ITGA2: variants seen among roughly 807,000 people sequenced by gnomAD.
ITGA2 encodes integrin subunit alpha 2.
In ITGA2, 101 loss-of-function variants were observed where a neutral mutation model predicts 146.3. The ratio of observed to expected loss-of-function variants is 0.69; its 90% CI spans 0.59 to 0.81. The LOEUF (loss-of-function observed/expected upper bound fraction) is 0.81. Ranked by LOEUF, ITGA2 falls within the 40% of genes least tolerant of loss-of-function variation. ITGA2 has a pLI of 0.00. For synonymous variants in ITGA2, 477 were observed against 487.1 expected (o/e 0.98, Z 0.27); for missense variants, 1,281 against 1,402.7 (o/e 0.91, Z 1.39).
At chr5:53,016,911 AAGTG>A (rs1742424649) in intron 1 of ITGA2, among the ~76,000 whole-genome samples, 1 of 152,128 alleles carries the variant, frequency 6.6e-6, no homozygotes, top group African/African-American at 2.4e-5. Context: ...GAAATTCTTG[AAGTG>A]AGTATTTCAG....
chr5:53,068,611 T>C (rs1745250551), intron 16 of ITGA2, among the ~76,000 whole-genome samples: 1 of 151,908 alleles, frequency 6.6e-6, no homozygotes, highest in Non-Finnish European at 1.5e-5. Flanking sequence ...TTTCTTACTA[T>C]TGGGCATCTT....
At chr5:53,031,777 G>C (rs1253100936) in intron 2 of ITGA2, among the ~76,000 whole-genome samples, 1 of 152,218 alleles carries the variant, frequency 6.6e-6, no homozygotes, top group Non-Finnish European at 1.5e-5. Flanking sequence ...TGTAAGTAAG[G>C]CTGTGGTCTG....
At chr5:53,037,999 A>G (rs1303975050) in intron 2 of ITGA2, among the ~76,000 whole-genome samples, 2 of 152,138 alleles carry the variant, frequency 1.3e-5, no homozygotes, top group Non-Finnish European at 2.9e-5. Context: ...TTCTGATTAA[A>G]TTAGAAGAGC....
rs755698160 is a variant in ITGA2, at chr5:53,094,597, AT to A, written c.*4000del. 3.3e-5 allele frequency: 5 copies of A among 152,152 alleles called. No homozygotes were observed. The highest frequency in any genetic ancestry group is 7.3e-5 in the Non-Finnish European group (5 of 68,028). 9.4% of individuals were successfully genotyped at this position (152,152 alleles called of 1,614,324 possible). On this transcript the variant is annotated 3_prime_UTR_variant, in exon 30 of 30. Coordinates refer to ENST00000296585, the MANE Select transcript of ITGA2 (RefSeq NM_002203.4). ...GCATGTTTGTACAAAAAGTTGCAGAATTCATTTGATTTATGAGAAACAAAAA... is the reference window on the plus strand; with the variant it reads ...GCATGTTTGTACAAAAAGTTGCAGAATCATTTGATTTATGAGAAACAAAAA...
At chr5:53,044,143 T>C (rs3212452) in intron 3 of ITGA2, among the ~76,000 whole-genome samples, 104,283 of 151,056 alleles carry the variant, frequency 0.69, 36,373 homozygotes, top group Admixed American at 0.75. Context: ...GGTGTGGTGG[T>C]GTGCACCTGT....
At chr5:53,038,788 G>A (rs1403233107) in intron 2 of ITGA2, among the ~76,000 whole-genome samples, 3 of 152,136 alleles carry the variant, frequency 2.0e-5, no homozygotes, top group African/African-American at 7.2e-5. Flanking sequence ...AGTGTAAAAT[G>A]GGGATAAGAT....
At chr5:53,055,735 T>C in intron 8 of ITGA2, 47 bp downstream of exon 8, 1 of 1,602,968 alleles carries the variant, frequency 6.2e-7, no homozygotes, top group South Asian at 1.1e-5. Context: ...TGGGTAAATC[T>C]TTCTTTATAG....
chr5:53,079,232 G>A (rs750439255), intron 24 of ITGA2, among the ~76,000 whole-genome samples: 1 of 152,094 alleles, frequency 6.6e-6, no homozygotes, highest in Non-Finnish European at 1.5e-5. Flanking sequence ...AGGGATACTT[G>A]ATATATTTTG....
intron 18 of ITGA2, 56 bp from the exon 19 acceptor site, chr5:53,072,557 T>A: frequency 8.8e-7 from 1 of 1,130,744 alleles, no homozygotes. Flanking sequence ...TATTCTTCTG[T>A]AATTTGCTTT....
chr5:53,081,959 G>A (rs1745944565), intron 26 of ITGA2, among the ~76,000 whole-genome samples: 1 of 152,142 alleles, frequency 6.6e-6, no homozygotes, highest in Non-Finnish European at 1.5e-5. Context: ...CAAAATATAA[G>A]TTCCAGACTT....
chr5:53,074,176 T>C (rs1745541647), intron 20 of ITGA2, among the ~76,000 whole-genome samples: 1 of 152,018 alleles, frequency 6.6e-6, no homozygotes, highest in Non-Finnish European at 1.5e-5. Context: ...TTTTGTTGGA[T>C]GTTCTAGGTA....
intron 17 of ITGA2, among the ~76,000 whole-genome samples, chr5:53,071,391 C>T (rs1434491883): frequency 1.3e-5 from 2 of 151,808 alleles, no homozygotes; most frequent in African/African-American, 4.8e-5. Context: ...AATCCTTTTT[C>T]ACTATTTGAT....
chr5:53,054,839 T>A (rs1420374156), intron 7 of ITGA2, among the ~76,000 whole-genome samples: 1 of 152,038 alleles, frequency 6.6e-6, no homozygotes, highest in Non-Finnish European at 1.5e-5. Flanking sequence ...TTCAGTGTAT[T>A]CTGCTCAGGT....
At chr5:53,072,269 C>T (rs1745433150) in intron 18 of ITGA2, among the ~76,000 whole-genome samples, 1 of 151,758 alleles carries the variant, frequency 6.6e-6, no homozygotes, top group South Asian at 2.1e-4. Context: ...TAGAGCAGGG[C>T]CTGGCCCATT....
intron 1 of ITGA2, among the ~76,000 whole-genome samples, chr5:53,017,207 G>A (rs985592863): frequency 2.4e-4 from 36 of 152,218 alleles, no homozygotes; most frequent in African/African-American, 8.0e-4. Flanking sequence ...TTTGTCATCC[G>A]TGTGGGCTGA....
chr5:53,063,029 GCA>G, intron 13 of ITGA2, 100 bp downstream of exon 13: 1 of 952,996 alleles, frequency 1.0e-6, no homozygotes, highest in South Asian at 1.5e-5. Flanking sequence ...ATGATAATTT[GCA>G]CAGATAGTAT....
Position 53,075,239 on chromosome 5 carries a change from C to T in ITGA2, c.2760C>T (p.Asn920=). The stretch of plus-strand genomic sequence containing the variant: ...TCTATAGTGAAAGCCAAGAAGAAAA[C>T]AAGGCTGATAATTTGGTCAACCTCA... ...FQALSESQEE[N]KADNLVNLKI... The change falls in exon 23 of 30, where the codon AAC becomes AAT. Residue 920 remains asparagine, a synonymous_variant. Transcript: ENST00000296585. The T allele has an allele frequency of 6.2e-7, 1 of 1,612,492 alleles. No individual in the cohort carries two copies. The highest frequency in any genetic ancestry group is 8.5e-7 in the Non-Finnish European group (1 of 1,179,142).
Position 53,056,151 on chromosome 5 carries a change from T to TA in ITGA2, c.1096+10dup, listed in dbSNP as rs746484602. ...GAGAACAAATTTTCAGCATTGAAGG[T>TA]AAAAAAAATAACCTCCTTTCAAGAA... On this transcript the variant is annotated splice_region_variant and intron_variant, in intron 9 of 29. Coordinates refer to ENST00000296585, the MANE Select transcript of ITGA2 (RefSeq NM_002203.4). 2.2e-5 allele frequency: 35 copies of TA among 1,607,990 alleles called. No individual in the cohort carries two copies. In the East Asian group the frequency reaches 3.6e-4, roughly 16 times the overall value.
At chr5:53,008,473 C>G (rs776736587) in intron 1 of ITGA2, among the ~76,000 whole-genome samples, 2 of 151,724 alleles carry the variant, frequency 1.3e-5, no homozygotes, top group Non-Finnish European at 2.9e-5. Context: ...GTAACACCCC[C>G]TTTGGCTTAA....
Sources: gnomAD v4.1 joint callset for allele counts (sites outside exome capture counted in the v4.1 genomes callset) on GRCh38, gnomAD v4.1.1 for gene constraint, MANE v1.5 for transcripts, NCBI Gene and HGNC (gene_info 2026-07-23, HGNC 2026-07-21) for gene names.